The following LINGO2 variants were observed in gnomAD, a reference collection of about 807,000 sequenced individuals.
LINGO2 encodes leucine-rich repeat and immunoglobulin-like domain-containing nogo receptor-interacting protein 2.
LINGO2 carries 14 observed loss-of-function variants against 30.6 expected under a neutral mutation model. The ratio of observed to expected loss-of-function variants is 0.46; its 90% CI spans 0.30 to 0.72. The LOEUF (loss-of-function observed/expected upper bound fraction) is 0.72, where lower values mean the gene tolerates loss of function less well. Among genes scored for constraint, LINGO2 ranks in the 30% least tolerant of loss-of-function variants. LINGO2 has a pLI of 0.07. For missense variants in LINGO2, 729 were observed against 751.7 expected (o/e 0.97, Z 0.35); for synonymous variants, 317 against 288.5 (o/e 1.10, Z -1.00).
At chr9:28,665,905 T>C (rs1828781322) in intron 1 of LINGO2, among the ~76,000 whole-genome samples, 1 of 151,532 alleles carries the variant, frequency 6.6e-6, no homozygotes, top group Non-Finnish European at 1.5e-5. Context: ...TTTTTTTTTT[T>C]TTTTGAGATG....
At chr9:28,376,256 GAGA>G (rs2134601136) in intron 2 of LINGO2, among the ~76,000 whole-genome samples, 1 of 148,822 alleles carries the variant, frequency 6.7e-6, no homozygotes, top group African/African-American at 2.4e-5. Context: ...GGTAGGAGAA[GAGA>G]AGAAGAGAAG....
the LINGO2 span, among the ~76,000 whole-genome samples, chr9:29,064,073 T>G: frequency 1.3e-5 from 2 of 152,248 alleles, no homozygotes. Context: ...GCAGTGAACA[T>G]CTATATTTTT....
chr9:28,095,320 A>C (rs912808543), intron 4 of LINGO2, among the ~76,000 whole-genome samples: 3 of 152,110 alleles, frequency 2.0e-5, no homozygotes, highest in African/African-American at 7.2e-5. Context: ...CCGCAGCACC[A>C]ATGTTGTTTT....
chr9:28,526,264 A>G (rs922974836), intron 1 of LINGO2, among the ~76,000 whole-genome samples: 2 of 152,142 alleles, frequency 1.3e-5, no homozygotes, highest in African/African-American at 4.8e-5. Flanking sequence ...TTATGCTTTA[A>G]AGAAAGAATC....
At chr9:28,041,179 T>C (rs1237223858) in intron 4 of LINGO2, among the ~76,000 whole-genome samples, 1 of 152,220 alleles carries the variant, frequency 6.6e-6, no homozygotes, top group Non-Finnish European at 1.5e-5. Flanking sequence ...ATCTAGCATC[T>C]ATTCTGTCTA....
chr9:28,376,922 A>G (rs555353171), intron 2 of LINGO2, among the ~76,000 whole-genome samples: 5 of 152,282 alleles, frequency 3.3e-5, no homozygotes, highest in Admixed American at 3.3e-4. Flanking sequence ...GACATAGGCA[A>G]TGATGGTATA....
chr9:29,176,896 T>C, the LINGO2 span, among the ~76,000 whole-genome samples: 1 of 152,184 alleles, frequency 6.6e-6, no homozygotes, highest in African/African-American at 2.4e-5. Flanking sequence ...AATTTATCAT[T>C]TGACTGACAA....
chr9:28,570,717 T>C (rs1823646721), intron 1 of LINGO2, among the ~76,000 whole-genome samples: 1 of 151,858 alleles, frequency 6.6e-6, no homozygotes, highest in Non-Finnish European at 1.5e-5. Context: ...CTACTACCCA[T>C]GTCTTTTTTG....
the LINGO2 span, among the ~76,000 whole-genome samples, chr9:28,785,162 G>C: frequency 6.6e-6 from 1 of 152,162 alleles, no homozygotes; most frequent in Admixed American, 6.5e-5. Flanking sequence ...TGGCAGCAGA[G>C]AACCAGAGGA....
the LINGO2 span, among the ~76,000 whole-genome samples, chr9:28,840,220 C>T: frequency 3.3e-5 from 5 of 151,794 alleles, no homozygotes; most frequent in African/African-American, 1.2e-4. Flanking sequence ...GGGTCTCCCA[C>T]CCCTTCAAGT....
intron 4 of LINGO2, among the ~76,000 whole-genome samples, chr9:28,134,348 A>C (rs1436161391): frequency 6.6e-6 from 1 of 152,236 alleles, no homozygotes; most frequent in Non-Finnish European, 1.5e-5. Context: ...ACAACTCGCT[A>C]TTCCTCTTAG....
At chr9:28,536,274 C>A (rs1296207740) in intron 1 of LINGO2, among the ~76,000 whole-genome samples, 2 of 152,026 alleles carry the variant, frequency 1.3e-5, no homozygotes, top group Non-Finnish European at 2.9e-5. Flanking sequence ...CTTTTACTCA[C>A]TCTTTTAATC....
chr9:28,837,996 A>C, the LINGO2 span, among the ~76,000 whole-genome samples: 1 of 152,270 alleles, frequency 6.6e-6, no homozygotes, highest in Middle Eastern at 3.4e-3. Context: ...CTTCAAAGAA[A>C]GGAAGTAAAG....
At chr9:28,336,566 C>A (rs1825596379) in intron 3 of LINGO2, among the ~76,000 whole-genome samples, 1 of 152,124 alleles carries the variant, frequency 6.6e-6, no homozygotes, top group South Asian at 2.1e-4. Context: ...GATCTACAAT[C>A]CACTTTGAGT....
chr9:29,065,944 G>A, the LINGO2 span, among the ~76,000 whole-genome samples: 3 of 151,692 alleles, frequency 2.0e-5, no homozygotes, highest in South Asian at 6.2e-4. Flanking sequence ...TATTTCTGTT[G>A]GAAATATTGA....
rs896198191 is a variant in LINGO2, at chr9:28,391,692, T to C, written c.-278-18824A>G. 2.0e-5 allele frequency among the ~76,000 whole-genome samples: 3 copies of C among 152,054 alleles called. No individual in the cohort carries two copies. The East Asian group carries it at 5.8e-4, about 29-fold the overall frequency. Reference sequence around the variant, plus strand: ...TTCAGAAATAGGAATCATGTTTTCTTTATTGCTGATATGCCCTTAATTAAA... The same window carrying C: ...TTCAGAAATAGGAATCATGTTTTCTCTATTGCTGATATGCCCTTAATTAAA... On this transcript the variant is annotated intron_variant, in intron 2 of 5. Coordinates refer to ENST00000379992, the Ensembl canonical transcript of LINGO2.
chr9:28,024,835 T>C (rs565932705), intron 4 of LINGO2, among the ~76,000 whole-genome samples: 1 of 152,240 alleles, frequency 6.6e-6, no homozygotes, highest in Admixed American at 6.5e-5. Flanking sequence ...ATGTTGCATC[T>C]GAGCAGCATT....
chr9:28,296,847 A>C (rs67771613), intron 3 of LINGO2, among the ~76,000 whole-genome samples: 11,008 of 150,492 alleles, frequency 0.073, 720 homozygotes, highest in East Asian at 0.38. Flanking sequence ...TGTGGTACTT[A>C]TTAACCTATA....
rs554469464 is a variant in LINGO2 at position 28,581,987 on chromosome 9, G to C, written c.-365+88213C>G. On this transcript the variant is annotated intron_variant, in intron 1 of 5. Transcript: ENST00000379992. The stretch of plus-strand genomic sequence containing the variant: ...ACACATGAACATTATCTTCATATTG[G>C]CCCTGTTACTAAGGCTTCCAGACAC... 7.3e-5 allele frequency among the ~76,000 whole-genome samples: 11 copies of C among 151,670 alleles called. No homozygotes were observed. In the East Asian group the frequency reaches 2.1e-3, roughly 30 times the overall value.
Sources: gnomAD v4.1 joint callset for allele counts (sites outside exome capture counted in the v4.1 genomes callset) on GRCh38, gnomAD v4.1.1 for gene constraint, MANE v1.5 for transcripts, NCBI Gene and HGNC (gene_info 2026-07-23, HGNC 2026-07-21) for gene names.